The following ARL14EPL variants were observed in gnomAD, a reference collection of about 807,000 sequenced individuals.
The protein encoded by ARL14EPL is ARF like GTPase 14 effector protein like.
In ARL14EPL, 17 loss-of-function variants were observed where a neutral mutation model predicts 15.9. That is an observed-to-expected ratio of 1.07 (90% CI 0.73 to 1.60). The LOEUF (loss-of-function observed/expected upper bound fraction) is 1.60. ARL14EPL is among the 40% of genes most tolerant of loss of function. The pLI is 0.00. For missense variants in ARL14EPL, 214 were observed against 185.9 expected (o/e 1.15, Z -0.88); for synonymous variants, 78 against 63.8 (o/e 1.22, Z -1.06).
chr5:116,036,530 G>A (rs1014529033), intron 1 of ARL14EPL, among the ~76,000 whole-genome samples: 2 of 152,148 alleles, frequency 1.3e-5, no homozygotes, highest in Non-Finnish European at 2.9e-5. Flanking sequence ...ACATTATTTA[G>A]ACATGTTTTT....
At chr5:116,057,190 G>C (rs2662477) in intron 3 of ARL14EPL, among the ~76,000 whole-genome samples, 1 of 151,834 alleles carries the variant, frequency 6.6e-6, no homozygotes, top group East Asian at 1.9e-4. Context: ...GATTATCTCC[G>C]TAGATGCAGA....
chr5:116,040,978 T>TAAAAAAAAA (rs1580411570), intron 1 of ARL14EPL, among the ~76,000 whole-genome samples: 3 of 6,508 alleles, frequency 4.6e-4, no homozygotes, highest in African/African-American at 1.6e-3. Context: ...AGATTCCCTC[T>TAAAAAAAAA]CAAAAAAAAA....
At chr5:116,040,772 C>T (rs547120386) in intron 1 of ARL14EPL, among the ~76,000 whole-genome samples, 3 of 147,750 alleles carry the variant, frequency 2.0e-5, no homozygotes, top group South Asian at 2.2e-4. Flanking sequence ...ATATCGAGAC[C>T]ATCCTGGCTA....
At chr5:116,032,573 G>A (rs1017332090) in intron 1 of ARL14EPL, 68 bp downstream of exon 1, 3 of 152,102 alleles carry the variant, frequency 2.0e-5, no homozygotes, top group African/African-American at 7.2e-5. Context: ...TAATTACAAT[G>A]TATTGTTATA....
intron 1 of ARL14EPL, among the ~76,000 whole-genome samples, chr5:116,050,849 A>G (rs996481442): frequency 6.6e-6 from 1 of 151,718 alleles, no homozygotes; most frequent in Non-Finnish European, 1.5e-5. Context: ...ACACACACAC[A>G]CACACACAGA....
At chr5:116,058,365 G>T (rs1282858803) in intron 3 of ARL14EPL, among the ~76,000 whole-genome samples, 4 of 152,178 alleles carry the variant, frequency 2.6e-5, no homozygotes, top group Non-Finnish European at 4.4e-5. Context: ...GAAAACTTTG[G>T]GGGCATTTGT....
chr5:116,057,766 T>C (rs540477412), intron 3 of ARL14EPL, among the ~76,000 whole-genome samples: 2 of 152,178 alleles, frequency 1.3e-5, no homozygotes, highest in African/African-American at 2.4e-5. Flanking sequence ...CGATATTACT[T>C]AGCGAACAGA....
At chr5:116,036,321 C>T (rs148705078) in intron 1 of ARL14EPL, among the ~76,000 whole-genome samples, 2 of 152,286 alleles carry the variant, frequency 1.3e-5, no homozygotes, top group East Asian at 1.9e-4. Context: ...TTCTAAAACA[C>T]ATACATCTTC....
intron 3 of ARL14EPL, among the ~76,000 whole-genome samples, chr5:116,058,056 C>A (rs1227425825): frequency 5.9e-5 from 9 of 152,222 alleles, no homozygotes; most frequent in African/African-American, 1.2e-4. Context: ...GGACTCTGGG[C>A]TCTCCTCTGG....
chr5:116,050,635 C>A (rs1749351847), intron 1 of ARL14EPL, among the ~76,000 whole-genome samples: 1 of 152,102 alleles, frequency 6.6e-6, no homozygotes, highest in African/African-American at 2.4e-5. Context: ...AGAAATGGCA[C>A]CCTGTAGTCA....
chr5:116,058,942 G>A lies in ARL14EPL; in HGVS notation c.454G>A (p.Asp152Asn). The A allele has an allele frequency of 6.5e-7, 1 of 1,535,844 alleles. No individual in the cohort carries two copies. Among genetic ancestry groups the A allele is most frequent in the South Asian group, 1.2e-5 (1 of 84,044 alleles). Residue 152 changes from aspartate to asparagine, a missense_variant, in exon 4 of 4, where the codon GAC (aspartate) becomes AAC (asparagine). Transcript: ENST00000686077. ...VISTLPFNVPD is the reference protein window; with the variant it reads ...VISTLPFNVPN The stretch of plus-strand genomic sequence containing the variant: ...CAGCACGCTGCCGTTTAATGTTCCT[G>A]ACTAGGTGCTCTTGTATATGGACTG...
rs78290575 is a variant in ARL14EPL at position 116,051,685 on chromosome 5, C to A, written c.96+124C>A. The A allele has an allele frequency of 5.0e-5, 42 of 835,994 alleles. No individual in the cohort carries two copies. The East Asian group carries it at 1.1e-3, about 21-fold the overall frequency. The allele number at this position is 835,994 out of a possible 1,614,324, so 51.8% of individuals were successfully genotyped here. A position where few individuals can be genotyped will look rare whatever the true frequency, so the allele number is the denominator to read the frequency against. Reference sequence around the variant, plus strand: ...AGGACCTCACAGGGAGGAGCTCTGCCGCCCAGGCTGATAGAGCTTTCCCTC... The same window carrying A: ...AGGACCTCACAGGGAGGAGCTCTGCAGCCCAGGCTGATAGAGCTTTCCCTC... On this transcript the variant is annotated intron_variant, in intron 2 of 3. Coordinates refer to ENST00000686077, the MANE Select transcript of ARL14EPL (RefSeq NM_001195581.2).
chr5:116,052,315 G>A (rs761479144), intron 2 of ARL14EPL: 14 of 1,080,364 alleles, frequency 1.3e-5, no homozygotes, highest in Admixed American at 3.4e-5. Context: ...AGCAGACACC[G>A]CAGCCTTGCA....
At chr5:116,040,744 T>C (rs10037163) in intron 1 of ARL14EPL, among the ~76,000 whole-genome samples, 67,223 of 148,596 alleles carry the variant, frequency 0.45, 16,080 homozygotes, top group South Asian at 0.57. Flanking sequence ...GAGGCCAAGG[T>C]GGGCGGATCA....
intron 1 of ARL14EPL, among the ~76,000 whole-genome samples, chr5:116,036,110 T>C (rs904885180): frequency 6.6e-6 from 1 of 152,194 alleles, no homozygotes; most frequent in African/African-American, 2.4e-5. Flanking sequence ...AATGGCTTAC[T>C]CACCAACTCA....
At chr5:116,056,310 T>C (rs971238690) in intron 3 of ARL14EPL, among the ~76,000 whole-genome samples, 1 of 152,188 alleles carries the variant, frequency 6.6e-6, no homozygotes, top group African/African-American at 2.4e-5. Flanking sequence ...CCAGCACCTG[T>C]TGTTTCCTGA....
At chr5:116,051,386 AG>A in intron 1 of ARL14EPL, 70 bp from the exon 2 acceptor site, 1 of 929,250 alleles carries the variant, frequency 1.1e-6, no homozygotes, top group Non-Finnish European at 1.6e-6. Flanking sequence ...AGAGTAGAAA[AG>A]AATCACCAGA....
intron 1 of ARL14EPL, among the ~76,000 whole-genome samples, chr5:116,043,431 C>A (rs1580412533): frequency 6.6e-6 from 1 of 151,980 alleles, no homozygotes; most frequent in Non-Finnish European, 1.5e-5. Flanking sequence ...AATTTTATAG[C>A]AAAAATCATG....
intron 3 of ARL14EPL, among the ~76,000 whole-genome samples, chr5:116,056,815 A>T (rs7709391): frequency 0.021 from 3,224 of 152,236 alleles, 112 homozygotes; most frequent in African/African-American, 0.074. Flanking sequence ...ATCTTGAATT[A>T]ATTTTTGTAT....
Sources: gnomAD v4.1 joint callset for allele counts (sites outside exome capture counted in the v4.1 genomes callset) on GRCh38, gnomAD v4.1.1 for gene constraint, MANE v1.5 for transcripts, NCBI Gene and HGNC (gene_info 2026-07-23, HGNC 2026-07-21) for gene names.